The following METTL21A variants were observed in gnomAD, a reference collection of about 807,000 sequenced individuals.
The protein encoded by METTL21A is protein N-lysine methyltransferase METTL21A.
Under a neutral mutation model 20.9 loss-of-function variants are expected in METTL21A, and 22 were observed. That is an observed-to-expected ratio of 1.05 (90% confidence interval 0.75 to 1.50). The LOEUF is 1.50. Among genes scored for constraint, METTL21A ranks in the 40% most tolerant of loss-of-function variants. METTL21A has a pLI of 0.00. For missense variants in METTL21A, 271 were observed against 266.8 expected (o/e 1.02, Z -0.11); for synonymous variants, 93 against 102.0 (o/e 0.91, Z 0.53).
chr2:207,595,586 A>G (rs889631288), intron 3 of METTL21A, among the ~76,000 whole-genome samples: 42 of 151,864 alleles, frequency 2.8e-4, no homozygotes, highest in African/African-American at 9.9e-4. Flanking sequence ...TAATTGAGAC[A>G]GGTTCTTGGT....
chr2:207,606,194 C>G (rs938845620), downstream of METTL21A, among the ~76,000 whole-genome samples: 1 of 152,100 alleles, frequency 6.6e-6, no homozygotes, highest in Non-Finnish European at 1.5e-5. Flanking sequence ...CAAGTTGGGC[C>G]GGGGTGCGGG....
At chr2:207,593,255 G>T (rs879025920) in intron 3 of METTL21A, among the ~76,000 whole-genome samples, 1 of 152,218 alleles carries the variant, frequency 6.6e-6, no homozygotes, top group Admixed American at 6.5e-5. Context: ...GCTGGGTGCG[G>T]TGGCTCATGC....
chr2:207,612,944 G>T, exon 4 of METTL21A: 1 of 1,279,628 alleles, frequency 7.8e-7, no homozygotes, highest in Non-Finnish European at 1.1e-6. Context: ...CTTTGGCTTA[G>T]ACTTTTTGTA....
chr2:207,591,089 A>G (rs1459865880), intron 3 of METTL21A, among the ~76,000 whole-genome samples: 3 of 152,174 alleles, frequency 2.0e-5, no homozygotes, highest in African/African-American at 7.2e-5. Flanking sequence ...TTAAATTATC[A>G]AGTATCATAT....
exon 4 of METTL21A, chr2:207,613,248 A>C (rs757230907): frequency 5.0e-6 from 8 of 1,612,948 alleles, no homozygotes; most frequent in South Asian, 1.1e-5. Flanking sequence ...AAGATCTGTG[A>C]ATGTTTCTTC....
chr2:207,625,013 G>A (rs879218159), intron 1 of METTL21A, 49 bp downstream of exon 1: 1 of 152,364 alleles, frequency 6.6e-6, no homozygotes, highest in South Asian at 2.1e-4. Context: ...GGGGACAGCG[G>A]GGACTCGGAG....
chr2:207,602,104 T>A (rs182658728), intron 3 of METTL21A: 1 of 204,118 alleles, frequency 4.9e-6, no homozygotes, highest in East Asian at 7.5e-5. Context: ...TCTTATTGAT[T>A]AGTGAATGTA....
At chr2:207,612,365 G>A (rs1326577060), downstream of METTL21A, 1 of 151,860 alleles carries the variant, frequency 6.6e-6, no homozygotes, top group Non-Finnish European at 1.5e-5. Context: ...CTCCCAAAGT[G>A]GTGGGATTAC....
intron 3 of METTL21A, among the ~76,000 whole-genome samples, chr2:207,590,083 GT>G (rs59126515): frequency 2.5e-3 from 191 of 76,156 alleles, no homozygotes; most frequent in Non-Finnish European, 3.7e-3. Context: ...ATTTTGAGAA[GT>G]TTTTTTTTTT....
chr2:207,590,370 G>A (rs909977064), intron 3 of METTL21A, among the ~76,000 whole-genome samples: 1 of 151,324 alleles, frequency 6.6e-6, no homozygotes, highest in Non-Finnish European at 1.5e-5. Flanking sequence ...TTTAAGTCTG[G>A]CTAAAGGTTT....
intron 3 of METTL21A, among the ~76,000 whole-genome samples, chr2:207,591,259 C>T (rs1689682325): frequency 6.6e-6 from 1 of 152,168 alleles, no homozygotes; most frequent in East Asian, 1.9e-4. Flanking sequence ...CCTTTCAGTT[C>T]TATTAGCTTT....
At chr2:207,591,942 T>C (rs975881098) in intron 3 of METTL21A, among the ~76,000 whole-genome samples, 1 of 152,188 alleles carries the variant, frequency 6.6e-6, no homozygotes, top group Admixed American at 6.5e-5. Flanking sequence ...TAATTTTCAA[T>C]TGTCTTCATT....
chr2:207,598,328 C>T (rs2086505588), intron 3 of METTL21A: 2 of 184,064 alleles, frequency 1.1e-5, no homozygotes, highest in Admixed American at 1.2e-4. Context: ...ATTAGTTCTG[C>T]TTTAGCTTTC....
intron 3 of METTL21A, among the ~76,000 whole-genome samples, chr2:207,583,968 A>G (rs2083378904): frequency 6.6e-6 from 1 of 152,216 alleles, no homozygotes; most frequent in South Asian, 2.1e-4. Flanking sequence ...TTCATCTAGC[A>G]AAATGCATTT....
chr2:207,608,199 C>T (rs763269527), downstream of METTL21A, among the ~76,000 whole-genome samples: 11 of 152,102 alleles, frequency 7.2e-5, no homozygotes, highest in Non-Finnish European at 1.6e-4. Context: ...AGGACTTCCC[C>T]GACTACATCC....
chr2:207,581,610 A>C (rs1320430236), downstream of METTL21A: 6 of 354,156 alleles, frequency 1.7e-5, no homozygotes, highest in East Asian at 2.6e-4. Flanking sequence ...TTTTTAATAT[A>C]TTTTTAAGTA....
At chr2:207,625,238 C>A (rs924169144) in intron 1 of METTL21A, 1 of 152,236 alleles carries the variant, frequency 6.6e-6, no homozygotes, top group East Asian at 1.9e-4. Flanking sequence ...CCAGGCCGGG[C>A]TGAGGCGCCG....
intron 3 of METTL21A, chr2:207,597,367 G>T: frequency 3.4e-6 from 1 of 293,248 alleles, no homozygotes; most frequent in Non-Finnish European, 6.3e-6. Flanking sequence ...GAGAAATGAG[G>T]AAAAGAAAAT....
chr2:207,597,053 G>A (rs768455571), intron 3 of METTL21A: 1 of 1,593,930 alleles, frequency 6.3e-7, no homozygotes, highest in South Asian at 1.1e-5. Flanking sequence ...CCACAAATCA[G>A]ATTAATTTGG....
Sources: allele counts gnomAD v4.1 joint callset (sites outside exome capture counted in the v4.1 genomes callset), GRCh38; gene constraint gnomAD v4.1.1; transcripts MANE v1.5; gene names NCBI Gene and HGNC (gene_info 2026-07-23, HGNC 2026-07-21).